The following RASEF variants were observed in gnomAD, a reference collection of about 807,000 sequenced individuals.
RASEF encodes the protein RAS and EF-hand domain containing.
In RASEF, 68 loss-of-function variants were observed where a neutral mutation model predicts 90.1. The observed-to-expected ratio is 0.75, with a 90% CI of 0.62 to 0.92. The LOEUF is 0.92. Among genes scored for constraint, RASEF ranks in the 40% least tolerant of loss-of-function variants. RASEF has a pLI of 0.00. For synonymous variants in RASEF, 331 were observed against 345.2 expected, an observed-to-expected ratio of 0.96 and a Z score of 0.46; for missense variants, 949 against 937.2, an observed-to-expected ratio of 1.01 and a Z score of -0.16.
intron 1 of RASEF, among the ~76,000 whole-genome samples, chr9:83,046,999 A>G (rs1416924783): frequency 6.6e-6 from 1 of 152,216 alleles, no homozygotes; most frequent in Non-Finnish European, 1.5e-5. Context: ...TGGCCATCTG[A>G]GCATGTGCCA....
At chr9:83,118,084 T>A in the RASEF span, among the ~76,000 whole-genome samples, 1 of 152,134 alleles carries the variant, frequency 6.6e-6, no homozygotes, top group Non-Finnish European at 1.5e-5. Flanking sequence ...AAATACCAAA[T>A]AATGTAATAC....
intron 1 of RASEF, among the ~76,000 whole-genome samples, chr9:83,028,683 C>T (rs58019119): frequency 0.038 from 5,858 of 152,194 alleles, 361 homozygotes; most frequent in African/African-American, 0.13. Flanking sequence ...AATAGTTATA[C>T]GTAGCGAGTA....
At chr9:83,049,298 A>G in intron 1 of RASEF, 1 of 985,274 alleles carries the variant, frequency 1.0e-6, no homozygotes, top group Non-Finnish European at 1.2e-6. Flanking sequence ...CATCAGAATT[A>G]GCAATAGTCA....
the RASEF span, among the ~76,000 whole-genome samples, chr9:83,209,794 A>G: frequency 6.6e-6 from 1 of 152,140 alleles, no homozygotes; most frequent in African/African-American, 2.4e-5. Flanking sequence ...CCATGACTTT[A>G]TATTAAAAAA....
intron 1 of RASEF, among the ~76,000 whole-genome samples, chr9:83,061,722 G>C (rs972924339): frequency 6.6e-6 from 1 of 152,336 alleles, no homozygotes. Context: ...AGTAAGAGCA[G>C]AGAATATACT....
At chr9:83,097,722 G>C in the RASEF span, among the ~76,000 whole-genome samples, 2 of 152,336 alleles carry the variant, frequency 1.3e-5, no homozygotes, top group East Asian at 3.9e-4. Flanking sequence ...ACACCAGTTA[G>C]AATGGACTTG....
the RASEF span, among the ~76,000 whole-genome samples, chr9:83,140,248 C>A: frequency 6.6e-6 from 1 of 152,162 alleles, no homozygotes; most frequent in Non-Finnish European, 1.5e-5. Context: ...TGTGAGTGTA[C>A]TGTATGCTGT....
chr9:83,058,779 C>T (rs1435651617), intron 1 of RASEF, among the ~76,000 whole-genome samples: 2 of 152,266 alleles, frequency 1.3e-5, no homozygotes, highest in East Asian at 1.9e-4. Flanking sequence ...AGCCGTTTTG[C>T]CAATCTCTAT....
At chr9:83,131,396 G>A in the RASEF span, among the ~76,000 whole-genome samples, 1 of 152,202 alleles carries the variant, frequency 6.6e-6, no homozygotes, top group East Asian at 1.9e-4. Context: ...CAGACTTGAG[G>A]ACAGTGTCAC....
At chr9:83,217,729 A>G in the RASEF span, among the ~76,000 whole-genome samples, 1 of 152,200 alleles carries the variant, frequency 6.6e-6, no homozygotes, top group Non-Finnish European at 1.5e-5. Context: ...AGTCTCAGGT[A>G]TGTCTTTATC....
chr9:83,190,071 G>A, the RASEF span, among the ~76,000 whole-genome samples: 2 of 151,976 alleles, frequency 1.3e-5, no homozygotes, highest in Non-Finnish European at 2.9e-5. Context: ...TTATTTCCTT[G>A]TACTAGCTTT....
the RASEF span, among the ~76,000 whole-genome samples, chr9:83,204,438 AC>A: frequency 6.6e-6 from 1 of 152,202 alleles, no homozygotes; most frequent in Non-Finnish European, 1.5e-5. Context: ...CTTCACTTAC[AC>A]TGGCTATGGG....
chr9:83,089,892 TGATAGATA>T, the RASEF span, among the ~76,000 whole-genome samples: 25,260 of 144,848 alleles, frequency 0.17, 2,217 homozygotes, highest in Middle Eastern at 0.2. Flanking sequence ...TATAGATAGA[TGATAGATA>T]GATAGATAGA....
At chr9:83,102,180 G>A in the RASEF span, among the ~76,000 whole-genome samples, 1 of 152,184 alleles carries the variant, frequency 6.6e-6, no homozygotes. Flanking sequence ...GGGTTCAAGA[G>A]ATTCTCCTGC....
intron 16 of RASEF, among the ~76,000 whole-genome samples, chr9:82,989,982 T>C (rs759659157): frequency 1.1e-4 from 16 of 152,254 alleles, no homozygotes; most frequent in Non-Finnish European, 2.2e-4. Flanking sequence ...GTAATAATTC[T>C]GACAAAGTGT....
intron 1 of RASEF, among the ~76,000 whole-genome samples, chr9:83,030,073 C>G (rs1343191205): frequency 6.6e-6 from 1 of 152,174 alleles, no homozygotes. Flanking sequence ...CATTAAGATA[C>G]TGTCACCGAG....
At chr9:82,983,107 C>CCACACACACACA (rs10539196) in intron 16 of RASEF, among the ~76,000 whole-genome samples, 182 of 128,642 alleles carry the variant, frequency 1.4e-3, no homozygotes, top group African/African-American at 4.3e-3. Flanking sequence ...GAGTACCAGG[C>CCACACACACACA]CACACACACA....
At chr9:83,189,179 C>T in the RASEF span, among the ~76,000 whole-genome samples, 1 of 152,212 alleles carries the variant, frequency 6.6e-6, no homozygotes, top group Non-Finnish European at 1.5e-5. Context: ...CAGTTACCCC[C>T]ATGCTGTTCT....
At chr9:83,194,161 G>T in the RASEF span, among the ~76,000 whole-genome samples, 2 of 152,154 alleles carry the variant, frequency 1.3e-5, no homozygotes, top group East Asian at 3.9e-4. Flanking sequence ...ACTGTATTCA[G>T]ATTTTATTAG....
Sources: gnomAD v4.1 joint callset for allele counts (sites outside exome capture counted in the v4.1 genomes callset) on GRCh38, gnomAD v4.1.1 for gene constraint, MANE v1.5 for transcripts, NCBI Gene and HGNC (gene_info 2026-07-23, HGNC 2026-07-21) for gene names.